Variants in BRINP2 observed in about 807,000 individuals in gnomAD.
BRINP2 encodes the protein BMP/retinoic acid inducible neural specific 2.
In BRINP2, 21 loss-of-function variants were observed where a neutral mutation model predicts 69.2. The observed-to-expected ratio is 0.30, with a 90% CI of 0.22 to 0.44. The LOEUF is 0.44. Among genes scored for constraint, BRINP2 ranks in the 20% least tolerant of loss-of-function variants. BRINP2 has a pLI of 1.00. For synonymous variants in BRINP2, 380 were observed against 394.1 expected (o/e 0.96, Z 0.42); for missense variants, 877 against 986.0 (o/e 0.89, Z 1.48).
In BRINP2 at chr1:177,199,435, G is replaced by A. The variant is rs1399506093; in HGVS notation, c.-77+27703G>A. Among the ~76,000 whole-genome samples, 4 of 152,178 alleles carry A rather than the reference G, an allele frequency of 2.6e-5. No homozygotes were observed. The East Asian group carries it at 7.7e-4, about 29-fold the overall frequency. On this transcript the variant is annotated intron_variant, in intron 1 of 7. Coordinates refer to ENST00000361539, the MANE Select transcript of BRINP2 (RefSeq NM_021165.4). ...AAGTCACAGAGATGAAAGGAGAATG[G>A]AGAGGCCACCAACCCTTCCCCAAAT...
chr1:177,172,390 G>T (rs952603084), intron 1 of BRINP2, among the ~76,000 whole-genome samples: 17 of 152,210 alleles, frequency 1.1e-4, no homozygotes, highest in African/African-American at 3.6e-4. Context: ...TCATCTAGCA[G>T]ATCTCTGTCT....
At chr1:177,222,176 C>T (rs1282161073) in intron 1 of BRINP2, among the ~76,000 whole-genome samples, 3 of 152,134 alleles carry the variant, frequency 2.0e-5, no homozygotes, top group African/African-American at 4.8e-5. Context: ...AACAACAAAA[C>T]AAACAAACAA....
intron 2 of BRINP2, among the ~76,000 whole-genome samples, chr1:177,230,747 A>G (rs1031334232): frequency 1.3e-5 from 2 of 152,160 alleles, no homozygotes; most frequent in Non-Finnish European, 2.9e-5. Context: ...CTAATCCATC[A>G]TCAGGTGGAA....
At chr1:177,222,368 A>T (rs1649562775) in intron 1 of BRINP2, among the ~76,000 whole-genome samples, 1 of 152,018 alleles carries the variant, frequency 6.6e-6, no homozygotes, top group African/African-American at 2.4e-5. Flanking sequence ...CTGGAGTGCA[A>T]TGGCACGATC....
chr1:177,214,995 CA>C (rs530047267), intron 1 of BRINP2, among the ~76,000 whole-genome samples: 5 of 151,846 alleles, frequency 3.3e-5, no homozygotes, highest in Non-Finnish European at 5.9e-5. Context: ...TGCAATAGAT[CA>C]AAAAAAATCA....
At chr1:177,220,557 C>T (rs547810122) in intron 1 of BRINP2, among the ~76,000 whole-genome samples, 1 of 152,282 alleles carries the variant, frequency 6.6e-6, no homozygotes, top group Non-Finnish European at 1.5e-5. Flanking sequence ...CAGATGGGAG[C>T]ACCACACTTC....
At chr1:177,278,476 G>C in intron 6 of BRINP2, 87 bp from the exon 7 acceptor site, 2 of 1,258,830 alleles carry the variant, frequency 1.6e-6, no homozygotes, top group Non-Finnish European at 2.3e-6. Context: ...AACTTTGAAG[G>C]GCCCTGGATC....
intron 2 of BRINP2, among the ~76,000 whole-genome samples, chr1:177,251,623 G>C (rs927342393): frequency 2.0e-5 from 3 of 152,128 alleles, no homozygotes; most frequent in African/African-American, 7.2e-5. Context: ...CAGGACACTA[G>C]CTTTTTGTTC....
chr1:177,214,089 T>G (rs34717204), intron 1 of BRINP2, among the ~76,000 whole-genome samples: 29,370 of 152,126 alleles, frequency 0.19, 3,166 homozygotes, highest in Non-Finnish European at 0.24. Flanking sequence ...CCAAATTGCT[T>G]CAGTCTAAGT....
intron 2 of BRINP2, among the ~76,000 whole-genome samples, chr1:177,252,634 C>T (rs1161076813): frequency 6.6e-6 from 1 of 152,080 alleles, no homozygotes; most frequent in Non-Finnish European, 1.5e-5. Flanking sequence ...TTATTATTAG[C>T]CACAGTTACC....
chr1:177,225,113 G>A (rs895598943), intron 1 of BRINP2, among the ~76,000 whole-genome samples: 1 of 152,126 alleles, frequency 6.6e-6, no homozygotes, highest in African/African-American at 2.4e-5. Flanking sequence ...TCCTCAGCTG[G>A]GTAATAATCT....
At chr1:177,256,306 C>T in intron 3 of BRINP2, 197 bp downstream of exon 3, 2 of 984,778 alleles carry the variant, frequency 2.0e-6, no homozygotes, top group Non-Finnish European at 2.4e-6. Flanking sequence ...TAATTATTCC[C>T]TGAGGAGGGG....
chr1:177,252,684 A>G (rs750987531), intron 2 of BRINP2, among the ~76,000 whole-genome samples: 40 of 152,200 alleles, frequency 2.6e-4, no homozygotes, highest in African/African-American at 8.2e-4. Context: ...CTTCCTAACT[A>G]TAACTTTGTA....
At chr1:177,249,512 T>C (rs1020338611) in intron 2 of BRINP2, among the ~76,000 whole-genome samples, 5 of 152,234 alleles carry the variant, frequency 3.3e-5, no homozygotes, top group Admixed American at 2.0e-4. Context: ...ATGTTTGCTT[T>C]CTCAGACTGT....
At chr1:177,216,590 T>C (rs571241115) in intron 1 of BRINP2, among the ~76,000 whole-genome samples, 8 of 152,252 alleles carry the variant, frequency 5.3e-5, no homozygotes, top group African/African-American at 1.9e-4. Flanking sequence ...TATTAGGTTT[T>C]GTACTTTCAT....
rs1396211811 is a variant in BRINP2 at position 177,179,987 on chromosome 1, A to G, written c.-77+8255A>G. On this transcript the variant is annotated intron_variant, in intron 1 of 7. Transcript: ENST00000361539. Reference sequence around the variant, plus strand: ...CCCGTATATACACATGCATGCATCTATACCTTCTGAATGAATATCTCTTAT... The same window carrying G: ...CCCGTATATACACATGCATGCATCTGTACCTTCTGAATGAATATCTCTTAT... Among the ~76,000 whole-genome samples, 3 of 152,304 alleles carry G rather than the reference A, an allele frequency of 2.0e-5. No individual in the cohort carries two copies. The East Asian group carries it at 5.8e-4, about 29-fold the overall frequency.
intron 1 of BRINP2, among the ~76,000 whole-genome samples, chr1:177,218,293 A>G (rs1649433795): frequency 6.6e-6 from 1 of 152,040 alleles, no homozygotes; most frequent in South Asian, 2.1e-4. Context: ...ACCCTAGGGT[A>G]GGGTCTGAGG....
chr1:177,231,949 G>A (rs1204637725), intron 2 of BRINP2, among the ~76,000 whole-genome samples: 1 of 152,132 alleles, frequency 6.6e-6, no homozygotes. Flanking sequence ...AATTCAGGGT[G>A]ACCTTCCCTT....
intron 1 of BRINP2, among the ~76,000 whole-genome samples, chr1:177,196,347 G>A (rs1488140148): frequency 6.6e-6 from 1 of 152,188 alleles, no homozygotes; most frequent in Non-Finnish European, 1.5e-5. Flanking sequence ...TCTAGGTGCG[G>A]TGGCTCACGC....
Sources: gnomAD v4.1 joint callset for allele counts (sites outside exome capture counted in the v4.1 genomes callset) on GRCh38, gnomAD v4.1.1 for gene constraint, MANE v1.5 for transcripts, NCBI Gene and HGNC (gene_info 2026-07-23, HGNC 2026-07-21) for gene names.